MROH2B: variants seen among roughly 807,000 people sequenced by gnomAD.
The protein encoded by MROH2B is maestro heat like repeat family member 2B.
Under a neutral mutation model 208.6 loss-of-function variants are expected in MROH2B, and 177 were observed. The ratio of observed to expected loss-of-function variants is 0.85; its 90% CI spans 0.75 to 0.96. MROH2B has a LOEUF of 0.96. Among genes scored for constraint, MROH2B ranks in the 40% least tolerant of loss-of-function variants. The pLI is 0.00. For missense variants in MROH2B, 2,002 were observed against 1,878.7 expected, an observed-to-expected ratio of 1.07 and a Z score of -1.21; for synonymous variants, 728 against 659.0, an observed-to-expected ratio of 1.10 and a Z score of -1.60.
rs754658756 is a variant in MROH2B at position 41,004,526 on chromosome 5, C to T, written c.4014G>A (p.Val1338=). ...GNTASGAPHK[V]KKHKQLMLES... is the part of the protein sequence containing the mutation. ...CTAGCATTAACTGCTTATGTTTCTT[C>T]ACCTATTTTGAAATAAGACCTCTTA... The change falls in exon 37 of 42, where the codon GTG becomes GTA. Residue 1338 remains valine (V), a splice_region_variant and synonymous_variant. Coordinates refer to ENST00000399564, the MANE Select transcript of MROH2B (RefSeq NM_173489.5). 3.1e-6 allele frequency: 5 copies of T among 1,604,532 alleles called. No individual in the cohort carries two copies. The highest frequency in any genetic ancestry group is 4.2e-6 in the Non-Finnish European group (5 of 1,177,154).
Position 41,041,087 on chromosome 5 carries a change from A to G in MROH2B, c.1953+1005T>C, listed in dbSNP as rs1000253463. On this transcript the variant is annotated intron_variant, in intron 19 of 41. Transcript: ENST00000399564. ...CCAGAGATAAGATGGAAAAAATGAT[A>G]TTAGAGATGGTGCCAACAGCAATAA... Among the ~76,000 whole-genome samples, 25 of 152,206 alleles carry G rather than the reference A, an allele frequency of 1.6e-4. 1 individual carries two copies. The highest frequency in any genetic ancestry group is 2.9e-5 in the Non-Finnish European group (2 of 68,044).
At chr5:41,031,809 C>T (rs552375924) in intron 24 of MROH2B, among the ~76,000 whole-genome samples, 1 of 152,154 alleles carries the variant, frequency 6.6e-6, no homozygotes, top group South Asian at 2.1e-4. Flanking sequence ...CAGTATTTAG[C>T]TCTCACTTAT....
At chr5:41,021,563 A>C (rs1370612076) in intron 24 of MROH2B, among the ~76,000 whole-genome samples, 1 of 152,182 alleles carries the variant, frequency 6.6e-6, no homozygotes, top group African/African-American at 2.4e-5. Context: ...AGTAATCAAA[A>C]TAGTATGTAA....
intron 24 of MROH2B, among the ~76,000 whole-genome samples, chr5:41,029,654 G>C (rs1212891439): frequency 2.0e-5 from 3 of 152,124 alleles, no homozygotes; most frequent in Admixed American, 6.6e-5. Flanking sequence ...AAATGTAAGA[G>C]TTAAAACTAT....
At chr5:41,039,990 G>A (rs1742892409) in intron 19 of MROH2B, among the ~76,000 whole-genome samples, 1 of 152,158 alleles carries the variant, frequency 6.6e-6, no homozygotes, top group Non-Finnish European at 1.5e-5. Flanking sequence ...GAAGGTAAGT[G>A]CAAAGCTCCC....
chr5:41,026,562 C>T (rs967028688), intron 24 of MROH2B, among the ~76,000 whole-genome samples: 2 of 152,184 alleles, frequency 1.3e-5, no homozygotes, highest in Non-Finnish European at 2.9e-5. Flanking sequence ...GAAGAACATT[C>T]CATGCTCATG....
chr5:41,055,767 C>T lies in MROH2B; in HGVS notation c.1008G>A (p.Leu336=). 2 of 1,613,800 alleles carry T rather than the reference C, an allele frequency of 1.2e-6. No homozygotes were observed. Among genetic ancestry groups the T allele is most frequent in the East Asian group, 2.2e-5 (1 of 44,862 alleles). ...NEAIRVGILT[L]LRLAVNADEP... is the part of the protein sequence containing the mutation. ...CATCAGCATTGACAGCCAATCTTAA[C>T]AAAGTCAAGATTCCCACTCGAATGG... Residue 336 remains leucine (L), a synonymous_variant, in exon 10 of 42, where the codon TTG becomes TTA. Coordinates refer to ENST00000399564, the MANE Select transcript of MROH2B (RefSeq NM_173489.5).
intron 6 of MROH2B, among the ~76,000 whole-genome samples, chr5:41,058,873 C>T (rs950007156): frequency 6.6e-6 from 1 of 151,290 alleles, no homozygotes; most frequent in Non-Finnish European, 1.5e-5. Flanking sequence ...ATGGTGAAAT[C>T]CCCGTCTCTA....
intron 6 of MROH2B, among the ~76,000 whole-genome samples, chr5:41,061,333 A>C (rs1348176487): frequency 6.6e-6 from 1 of 152,214 alleles, no homozygotes; most frequent in Non-Finnish European, 1.5e-5. Flanking sequence ...TTCCTGCTAC[A>C]ACCTCGGCAT....
rs958045542 is a variant in MROH2B, at chr5:41,005,654, T to C, written c.3750-9A>G. On this transcript the variant is annotated splice_polypyrimidine_tract_variant and intron_variant, in intron 34 of 41. Transcript: ENST00000399564. ...GCCACACTGCCATGCTCCTAGAAAA[T>C]GCACATTTTAGCAGAGACATATTTT... 3 of 1,598,106 alleles carry C rather than the reference T, an allele frequency of 1.9e-6. No homozygotes were observed. The highest frequency in any genetic ancestry group is 2.6e-6 in the Non-Finnish European group (3 of 1,169,974).
At chr5:41,045,708 G>A in intron 18 of MROH2B, 38 bp downstream of exon 18, 1 of 1,510,698 alleles carries the variant, frequency 6.6e-7, no homozygotes, top group African/African-American at 1.4e-5. Flanking sequence ...TTGGATCATA[G>A]GTAAAAGCTA....
At chr5:41,056,399 G>C (rs879600482) in intron 9 of MROH2B, among the ~76,000 whole-genome samples, 2 of 152,052 alleles carry the variant, frequency 1.3e-5, no homozygotes, top group Non-Finnish European at 2.9e-5. Context: ...AGAGACAAAG[G>C]GGCCAGTCAG....
chr5:41,030,529 T>C (rs746270259), intron 24 of MROH2B, among the ~76,000 whole-genome samples: 61 of 152,092 alleles, frequency 4.0e-4, no homozygotes, highest in Non-Finnish European at 7.1e-4. Context: ...ATCAATGTTG[T>C]GAAAATGCCC....
chr5:41,053,003 G>A (rs545795736), intron 11 of MROH2B, among the ~76,000 whole-genome samples: 1 of 152,082 alleles, frequency 6.6e-6, no homozygotes, highest in South Asian at 2.1e-4. Context: ...TGAGTGATAG[G>A]TTATGAAAGA....
chr5:41,051,138 GT>G lies in MROH2B; in HGVS notation c.1231-49del. On this transcript the variant is annotated intron_variant, in intron 12 of 41. Transcript: ENST00000399564. ...GACTTGTTAATGACTCCTAAGGTTG[GT>G]CCCCTCTGACTTTCCTTGGGTGTGT... is the stretch of plus-strand genomic sequence containing the variant. 4 of 1,291,436 alleles carry G rather than the reference GT, an allele frequency of 3.1e-6. No individual in the cohort carries two copies. In the South Asian group the frequency reaches 5.3e-5, roughly 17 times the overall value. The allele number at this position is 1,291,436 out of a possible 1,614,324, so 80.0% of individuals were successfully genotyped here. A position where few individuals can be genotyped will look rare whatever the true frequency, so the allele number is the denominator to read the frequency against.
intron 30 of MROH2B, among the ~76,000 whole-genome samples, chr5:41,011,337 T>A (rs775447376): frequency 7.2e-5 from 11 of 152,296 alleles, no homozygotes; most frequent in Non-Finnish European, 1.3e-4. Context: ...CAATGATGCT[T>A]GGAGAGGATT....
intron 24 of MROH2B, among the ~76,000 whole-genome samples, chr5:41,019,363 A>G (rs748224844): frequency 1.3e-5 from 2 of 152,132 alleles, no homozygotes; most frequent in South Asian, 2.1e-4. Flanking sequence ...TGAGAAAGAG[A>G]GAGAGAGAGA....
intron 5 of MROH2B, among the ~76,000 whole-genome samples, chr5:41,064,161 C>G (rs1743725442): frequency 6.6e-6 from 1 of 152,108 alleles, no homozygotes; most frequent in African/African-American, 2.4e-5. Flanking sequence ...TCCCACAGAC[C>G]TGGGTTTGAA....
intron 24 of MROH2B, among the ~76,000 whole-genome samples, chr5:41,021,960 A>T (rs1451504098): frequency 6.6e-6 from 1 of 152,234 alleles, no homozygotes; most frequent in East Asian, 1.9e-4. Context: ...GAACTACGAC[A>T]AGGGTGCCAA....
Sources: allele counts gnomAD v4.1 joint callset (sites outside exome capture counted in the v4.1 genomes callset), GRCh38; gene constraint gnomAD v4.1.1; transcripts MANE v1.5; gene names NCBI Gene and HGNC (gene_info 2026-07-23, HGNC 2026-07-21).